Variants in MSS51 observed in about 807,000 individuals in gnomAD.
MSS51 encodes the protein putative protein MSS51 homolog, mitochondrial.
In MSS51, 32 loss-of-function variants were observed where a neutral mutation model predicts 40.2. The ratio of observed to expected loss-of-function variants is 0.80; its 90% CI spans 0.60 to 1.07. MSS51 has a LOEUF of 1.07. Among genes scored for constraint, MSS51 ranks in the 50% least tolerant of loss-of-function variants. The probability of loss-of-function intolerance (pLI) is 0.00; values close to 1 mark genes in which losing one functional copy is unlikely to be tolerated. For synonymous variants in MSS51, 178 were observed against 214.2 expected, an observed-to-expected ratio of 0.83 and a Z score of 1.48; for missense variants, 518 against 568.9, an observed-to-expected ratio of 0.91 and a Z score of 0.91.
At chr10:73,432,879 C>T (rs2056038807) in intron 1 of MSS51, among the ~76,000 whole-genome samples, 1 of 152,166 alleles carries the variant, frequency 6.6e-6, no homozygotes, top group Non-Finnish European at 1.5e-5. Context: ...TCCCTGTTCA[C>T]AGGTTATAAA....
intron 3 of MSS51, among the ~76,000 whole-genome samples, chr10:73,427,091 CAGAG>C (rs2055994959): frequency 6.6e-6 from 1 of 151,998 alleles, no homozygotes; most frequent in Non-Finnish European, 1.5e-5. Flanking sequence ...AAGAGAGAGA[CAGAG>C]AGGATTGTAT....
intron 6 of MSS51, 82 bp from the exon 7 acceptor site, chr10:73,424,854 G>T: frequency 1.7e-6 from 2 of 1,163,664 alleles, no homozygotes; most frequent in Non-Finnish European, 2.5e-6. Flanking sequence ...TGACATTTCT[G>T]TAATCACCCA....
At chr10:73,429,628 G>A (rs2056014040) in intron 1 of MSS51, 1 of 456,636 alleles carries the variant, frequency 2.2e-6, no homozygotes, top group Non-Finnish European at 4.4e-6. Flanking sequence ...GTCACGATCT[G>A]GCTGTGACTC....
chr10:73,426,044 C>G lies in MSS51; in HGVS notation c.836G>C (p.Arg279Pro). Reference protein sequence around the residue: ...GASHVETFLTRPGDYDELGYM... With the variant: ...GASHVETFLTPPGDYDELGYM... ...ACCAAGCTCATCATAGTCCCCTGGG[C>G]GAGTAAGAAATGTCTCCACATGGGA... is the stretch of plus-strand genomic sequence containing the variant. The change falls in exon 5 of 7, where the codon CGC becomes CCC. Residue 279 changes from arginine (R) to proline (P), a missense_variant. By Grantham distance (103) the Arg-to-Pro change is moderately radical (BLOSUM62 -2). Coordinates refer to ENST00000299432, the MANE Select transcript of MSS51 (RefSeq NM_001024593.2). The G allele has an allele frequency of 1.2e-6, 2 of 1,614,170 alleles. No homozygotes were observed. Among genetic ancestry groups the G allele is most frequent in the Non-Finnish European group, 1.7e-6 (2 of 1,180,024 alleles).
chr10:73,426,388 G>C lies in MSS51; in HGVS notation c.503-11C>G, dbSNP rs200199285. On this transcript the variant is annotated splice_polypyrimidine_tract_variant and intron_variant, in intron 4 of 6. Coordinates refer to ENST00000299432, the MANE Select transcript of MSS51 (RefSeq NM_001024593.2). The stretch of plus-strand genomic sequence containing the variant: ...GTAGAACAAAATCACCTGTAGGAAA[G>C]AAGAAATAAGAAGTAACCTAATGCT... 8 of 1,598,396 alleles carry C rather than the reference G, an allele frequency of 5.0e-6. No individual in the cohort carries two copies. The East Asian group carries it at 1.3e-4, about 27-fold the overall frequency.
Position 73,426,128 on chromosome 10 carries a change from C to T in MSS51, c.752G>A (p.Arg251Lys), listed in dbSNP as rs2055986056. 6.2e-7 allele frequency: 1 copy of T among 1,614,214 alleles called. No individual in the cohort carries two copies. Among genetic ancestry groups the T allele is most frequent in the Non-Finnish European group, 8.5e-7 (1 of 1,180,028 alleles). ...CCTCCTAACATCTATCCCCAAGGCC[C>T]TAAGTCCTAGGCCTAGAGTCAAGGG... ...SRPLTLGLGL[R>K]ALGIDVRRTG... The change falls in exon 5 of 7, where the codon AGG becomes AAG. Residue 251 changes from arginine (R) to lysine (K), a missense_variant. Physicochemically the swap from Arg to Lys is conservative, Grantham distance 26. Coordinates refer to ENST00000299432, the MANE Select transcript of MSS51 (RefSeq NM_001024593.2).
chr10:73,425,502 G>A (rs1207109864), intron 5 of MSS51, among the ~76,000 whole-genome samples: 21 of 151,646 alleles, frequency 1.4e-4, no homozygotes, highest in Admixed American at 9.9e-4. Flanking sequence ...GTGAAACCCC[G>A]CCTCTACTAA....
At chr10:73,431,236 C>A (rs2056026918) in intron 1 of MSS51, among the ~76,000 whole-genome samples, 1 of 152,098 alleles carries the variant, frequency 6.6e-6, no homozygotes, top group African/African-American at 2.4e-5. Flanking sequence ...CGTGAATACA[C>A]TAAATGCCAT....
At chr10:73,429,363 A>G (rs1224760949) in intron 1 of MSS51, among the ~76,000 whole-genome samples, 2 of 152,240 alleles carry the variant, frequency 1.3e-5, no homozygotes, top group East Asian at 3.8e-4. Context: ...ATGTATTTTA[A>G]AACTCAATTT....
chr10:73,429,083 A>C (rs577758241), intron 1 of MSS51, among the ~76,000 whole-genome samples: 1 of 151,982 alleles, frequency 6.6e-6, no homozygotes, highest in African/African-American at 2.4e-5. Flanking sequence ...GTGGGTGCCT[A>C]TAATCCCAGC....
intron 1 of MSS51, among the ~76,000 whole-genome samples, chr10:73,431,546 T>C (rs2056029344): frequency 6.6e-6 from 1 of 152,212 alleles, no homozygotes; most frequent in African/African-American, 2.4e-5. Flanking sequence ...TGTATGCAGG[T>C]GGCAAAAATA....
rs1182741054 is a variant in MSS51, at chr10:73,423,603, T to C, written c.*950A>G. 2.0e-5 allele frequency: 3 copies of C among 152,088 alleles called. No homozygotes were observed. Among genetic ancestry groups the C allele is most frequent in the South Asian group, 4.1e-4 (2 of 4,828 alleles). 9.4% of individuals were successfully genotyped at this position (152,088 alleles called of 1,614,324 possible). ...CTTAAGAAGCCCCAAACTGAGTTTA[T>C]TGGGGTATAGAATGGGGGATAATAA... On this transcript the variant is annotated 3_prime_UTR_variant, in exon 7 of 7. Coordinates refer to ENST00000299432, the MANE Select transcript of MSS51 (RefSeq NM_001024593.2).
intron 4 of MSS51, 81 bp downstream of exon 4, chr10:73,426,526 T>C: frequency 6.2e-7 from 1 of 1,601,292 alleles, no homozygotes; most frequent in South Asian, 1.1e-5. Flanking sequence ...CATTTTTTCA[T>C]AACAATATGA....
intron 2 of MSS51, 66 bp from the exon 3 acceptor site, chr10:73,427,834 C>T: frequency 6.4e-7 from 1 of 1,559,272 alleles, no homozygotes; most frequent in Non-Finnish European, 8.8e-7. Context: ...CTCTCATGCC[C>T]CCCATCTTGT....
chr10:73,425,586 C>T (rs2055976903), intron 5 of MSS51, among the ~76,000 whole-genome samples: 1 of 149,804 alleles, frequency 6.7e-6, no homozygotes, highest in South Asian at 2.1e-4. Context: ...GGCGTGAACC[C>T]GGGAGGTGGA....
chr10:73,427,418 C>T (rs1400287556), intron 3 of MSS51, among the ~76,000 whole-genome samples, 195 bp downstream of exon 3: 1 of 151,804 alleles, frequency 6.6e-6, no homozygotes, highest in Non-Finnish European at 1.5e-5. Context: ...GCTGAGACTA[C>T]AGGTGTGTGC....
chr10:73,425,267 G>T (rs2055974010), intron 5 of MSS51, 76 bp from the exon 6 acceptor site: 5 of 885,394 alleles, frequency 5.6e-6, no homozygotes, highest in Middle Eastern at 2.3e-4. Flanking sequence ...CTTTGACTGT[G>T]AGCACCCCAC....
At position 73,427,833 on chromosome 10, in the gene MSS51, C is replaced by A. The variant is rs577742298; in HGVS notation, c.222-65G>T. 3 of 1,561,426 alleles carry A rather than the reference C, an allele frequency of 1.9e-6. 1 individual carries two copies. The South Asian group carries it at 3.6e-5, about 19-fold the overall frequency. On this transcript the variant is annotated intron_variant, in intron 2 of 6. Coordinates refer to ENST00000299432, the MANE Select transcript of MSS51 (RefSeq NM_001024593.2). ...GGAATATCTCCAAAATCTCTCATGC[C>A]CCCCATCTTGTCTCCTACACATTTC...
At position 73,425,806 on chromosome 10, in the gene MSS51, C is replaced by A. The variant is rs78983371; in HGVS notation, c.1069+5G>T. 1 of 1,609,154 alleles carries A rather than the reference C, an allele frequency of 6.2e-7. No homozygotes were observed. Among genetic ancestry groups the A allele is most frequent in the Non-Finnish European group, 8.5e-7 (1 of 1,177,284 alleles). ...CCTCTATTCCCCTGAACCAATGACTCTTACCTGGATGGAATGCCGCCACCA... is the reference window on the plus strand; with the variant it reads ...CCTCTATTCCCCTGAACCAATGACTATTACCTGGATGGAATGCCGCCACCA... On this transcript the variant is annotated splice_donor_5th_base_variant and intron_variant, in intron 5 of 6. Coordinates refer to ENST00000299432, the MANE Select transcript of MSS51 (RefSeq NM_001024593.2).
Sources: gnomAD v4.1 joint callset for allele counts (sites outside exome capture counted in the v4.1 genomes callset) on GRCh38, gnomAD v4.1.1 for gene constraint, MANE v1.5 for transcripts, NCBI Gene and HGNC (gene_info 2026-07-23, HGNC 2026-07-21) for gene names.